CRMP1: variants seen among roughly 807,000 people sequenced by gnomAD.
CRMP1 encodes dihydropyrimidinase-related protein 1.
CRMP1 carries 19 observed loss-of-function variants against 68.3 expected under a neutral mutation model. The ratio of observed to expected loss-of-function variants is 0.28; its 90% CI spans 0.19 to 0.41. The LOEUF is 0.41. CRMP1 is among the 10% of genes least tolerant of loss of function. The pLI is 1.00. For synonymous variants in CRMP1, 439 were observed against 399.6 expected, an observed-to-expected ratio of 1.10 and a Z score of -1.18; for missense variants, 791 against 967.4, an observed-to-expected ratio of 0.82 and a Z score of 2.42.
At chr4:5,823,085 C>T (rs73797909) in intron 13 of CRMP1, among the ~76,000 whole-genome samples, 13,114 of 152,198 alleles carry the variant, frequency 0.086, 1,327 homozygotes, top group African/African-American at 0.25. Context: ...TAGTTGTCAC[C>T]TGCAACAGGA....
intron 1 of CRMP1, among the ~76,000 whole-genome samples, chr4:5,880,892 C>T (rs1448696575): frequency 6.6e-6 from 1 of 152,228 alleles, no homozygotes; most frequent in Non-Finnish European, 1.5e-5. Context: ...AGTGTGGCAT[C>T]CCCACTGTGA....
chr4:5,840,284 C>T (rs1289972337), intron 8 of CRMP1, among the ~76,000 whole-genome samples: 1 of 152,226 alleles, frequency 6.6e-6, no homozygotes, highest in Non-Finnish European at 1.5e-5. Flanking sequence ...GCTTCCCGAG[C>T]ACTAACTTCC....
At position 5,893,025 on chromosome 4, in the gene CRMP1, G is replaced by T. The variant is rs1461500116; in HGVS notation, c.-56C>A. The T allele has an allele frequency of 9.3e-7, 1 of 1,077,360 alleles. No homozygotes were observed. Among genetic ancestry groups the T allele is most frequent in the Admixed American group, 5.2e-5 (1 of 19,280 alleles). 66.7% of individuals were successfully genotyped at this position (1,077,360 alleles called of 1,614,324 possible). ...CCCGCCTGCCCGCCCGCGGCCCTGG[G>T]CACCGCCGTGCGCCGCGCTCCGCGC... On this transcript the variant is annotated 5_prime_UTR_variant, in exon 1 of 14. Coordinates refer to ENST00000324989, the MANE Select transcript of CRMP1 (RefSeq NM_001014809.3).
chr4:5,838,008 G>T lies in CRMP1; in HGVS notation c.1311-1102C>A, dbSNP rs1720844670. Among the ~76,000 whole-genome samples, 1 of 152,190 alleles carries T rather than the reference G, an allele frequency of 6.6e-6. No individual in the cohort carries two copies. The highest frequency in any genetic ancestry group is 2.4e-5 in the African/African-American group (1 of 41,442). On this transcript the variant is annotated intron_variant, in intron 9 of 13. Coordinates refer to ENST00000324989, the MANE Select transcript of CRMP1 (RefSeq NM_001014809.3). This position sits in a 1 kb window ranked among gnomAD's most constrained non-coding sequence, Gnocchi z 4.9. ...GGGCACATGGGCGCTGTTAGAGTGA[G>T]TGTCAGGGATTCAACCAAAGCAGGT... is the stretch of plus-strand genomic sequence containing the variant.
rs1168236850 is a variant in CRMP1, at chr4:5,859,258, G to C, written c.655+1768C>G. Among the ~76,000 whole-genome samples the C allele has an allele frequency of 2.0e-5, 3 of 152,286 alleles. No homozygotes were observed. In the East Asian group the frequency reaches 5.8e-4, roughly 29 times the overall value. ...TTCAGAGCCCTGGACTGTTGTCCTC[G>C]TGTGCTTTCATAGGCTCTTGTTCCA... On this transcript the variant is annotated intron_variant, in intron 3 of 13. Transcript: ENST00000324989. The surrounding 1 kb of genome is among the most constrained non-coding windows in gnomAD (Gnocchi z 5.2).
intron 10 of CRMP1, 40 bp downstream of exon 10, chr4:5,836,725 A>C: frequency 1.2e-6 from 2 of 1,613,876 alleles, no homozygotes; most frequent in Non-Finnish European, 1.7e-6. Flanking sequence ...GGGCAGGTAG[A>C]GTGTTTCTAG....
chr4:5,825,836 C>T lies in CRMP1; in HGVS notation c.1804-177G>A, dbSNP rs1719489571. 1.6e-6 allele frequency: 1 copy of T among 630,388 alleles called. No individual in the cohort carries two copies. The highest frequency in any genetic ancestry group is 2.7e-6 in the Non-Finnish European group (1 of 366,682). The allele number at this position is 630,388 out of a possible 1,614,324, so 39.0% of individuals were successfully genotyped here. A position where few individuals can be genotyped will look rare whatever the true frequency, so the allele number is the denominator to read the frequency against. On this transcript the variant is annotated intron_variant, in intron 12 of 13. Coordinates refer to ENST00000324989, the MANE Select transcript of CRMP1 (RefSeq NM_001014809.3). This position sits in a 1 kb window ranked among gnomAD's most constrained non-coding sequence, Gnocchi z 4.4. The stretch of plus-strand genomic sequence containing the variant: ...CACTTCACACACATGCAGCCGCACA[C>T]AGGCATTCATACACACAAGCATGCA...
At chr4:5,851,958 AGG>A (rs764175333) in intron 4 of CRMP1, among the ~76,000 whole-genome samples, 629 of 17,080 alleles carry the variant, frequency 0.037, 5 homozygotes, top group South Asian at 0.2. Flanking sequence ...AGGGAGAAGA[AGG>A]AGGAAGAGGA....
chr4:5,873,812 AGG>A (rs1714626616), intron 1 of CRMP1, among the ~76,000 whole-genome samples: 1 of 152,196 alleles, frequency 6.6e-6, no homozygotes, highest in Non-Finnish European at 1.5e-5. Context: ...CTTTGGCTGA[AGG>A]GTGACCTCAA....
In CRMP1 at chr4:5,859,436, C is replaced by T. The variant is rs1214534496; in HGVS notation, c.655+1590G>A. ...CCAGTACTCCTTCCCCTGCCCTGTG[C>T]AGTCCTCCTGAACCCAGAACTTCCA... is the stretch of plus-strand genomic sequence containing the variant. On this transcript the variant is annotated intron_variant, in intron 3 of 13. Coordinates refer to ENST00000324989, the MANE Select transcript of CRMP1 (RefSeq NM_001014809.3). The surrounding 1 kb of genome is among the most constrained non-coding windows in gnomAD (Gnocchi z 5.2). Among the ~76,000 whole-genome samples, 1 of 152,236 alleles carries T rather than the reference C, an allele frequency of 6.6e-6. No homozygotes were observed. The highest frequency in any genetic ancestry group is 1.5e-5 in the Non-Finnish European group (1 of 68,042).
Position 5,870,886 on chromosome 4 carries a change from T to C in CRMP1, c.382-4130A>G, listed in dbSNP as rs1426233786. ...AAGCTGGCGTGCATGTTTCCCCGGC[T>C]CCAGAACAGGAAACATAAGTCACCA... On this transcript the variant is annotated intron_variant, in intron 1 of 13. Coordinates refer to ENST00000324989, the MANE Select transcript of CRMP1 (RefSeq NM_001014809.3). The surrounding 1 kb of genome is among the most constrained non-coding windows in gnomAD (Gnocchi z 6.0). 6.6e-6 allele frequency among the ~76,000 whole-genome samples: 1 copy of C among 152,028 alleles called. No homozygotes were observed. The highest frequency in any genetic ancestry group is 2.4e-5 in the African/African-American group (1 of 41,368).
intron 1 of CRMP1, among the ~76,000 whole-genome samples, chr4:5,880,345 G>T (rs1475748054): frequency 6.6e-6 from 1 of 152,154 alleles, no homozygotes; most frequent in Non-Finnish European, 1.5e-5. Flanking sequence ...CATTTGCTGA[G>T]ATTTTATTAG....
At chr4:5,849,554 G>A (rs571806720) in intron 5 of CRMP1, 82 bp from the exon 6 acceptor site, 33 of 913,780 alleles carry the variant, frequency 3.6e-5, no homozygotes, top group East Asian at 5.0e-5. Flanking sequence ...AGACCGTTCC[G>A]ATCACACCCA....
Position 5,850,667 on chromosome 4 carries a change from G to T in CRMP1, c.882+741C>A, listed in dbSNP as rs1283248446. On this transcript the variant is annotated intron_variant, in intron 5 of 13. Transcript: ENST00000324989. This position sits in a 1 kb window ranked among gnomAD's most constrained non-coding sequence, Gnocchi z 4.4. Reference sequence around the variant, plus strand: ...AAGGTAGGGCTATCATGAGCCTAAAGCACAGAGAAGTTGGGAAAGCTGCCC... The same window carrying T: ...AAGGTAGGGCTATCATGAGCCTAAATCACAGAGAAGTTGGGAAAGCTGCCC... 6.6e-6 allele frequency among the ~76,000 whole-genome samples: 1 copy of T among 152,146 alleles called. No individual in the cohort carries two copies. The highest frequency in any genetic ancestry group is 1.5e-5 in the Non-Finnish European group (1 of 68,038).
rs1712897148 is a variant in CRMP1 at position 5,854,445 on chromosome 4, A to G, written c.820+1698T>C. 8.2e-6 allele frequency among the ~76,000 whole-genome samples: 1 copy of G among 121,778 alleles called. No homozygotes were observed. The highest frequency in any genetic ancestry group is 1.6e-5 in the Non-Finnish European group (1 of 61,268). The allele number at this position is 121,778 out of a possible 152,430, so 79.9% of individuals were successfully genotyped here. Reference sequence around the variant, plus strand: ...TTTTTAATAGAGTCGTGGTCTCACTATGTTGCCCAGGCTGGTCTCAAACTC... The same window carrying G: ...TTTTTAATAGAGTCGTGGTCTCACTGTGTTGCCCAGGCTGGTCTCAAACTC... On this transcript the variant is annotated intron_variant, in intron 4 of 13. Coordinates refer to ENST00000324989, the MANE Select transcript of CRMP1 (RefSeq NM_001014809.3). This position sits in a 1 kb window ranked among gnomAD's most constrained non-coding sequence, Gnocchi z 4.0.
Position 5,869,687 on chromosome 4 carries a change from AAAAAAAAAAAAAAAG to A in CRMP1, c.382-2946_382-2932del, listed in dbSNP as rs1343767983. Among the ~76,000 whole-genome samples, 3 of 142,054 alleles carry A rather than the reference AAAAAAAAAAAAAAAG, an allele frequency of 2.1e-5. No homozygotes were observed. The East Asian group carries it at 5.8e-4, about 28-fold the overall frequency. The allele number at this position is 142,054 out of a possible 152,430, so 93.2% of individuals were successfully genotyped here. A position where few individuals can be genotyped will look rare whatever the true frequency, so the allele number is the denominator to read the frequency against. ...CAACAGAGCAAGACTCCGTCAAAAA[AAAAAAAAAAAAAAAG>A]AAAAAGAAAAGAAGTAAACTGACAA... On this transcript the variant is annotated intron_variant, in intron 1 of 13. Transcript: ENST00000324989.
rs141157419 is a variant in CRMP1 at position 5,861,377 on chromosome 4, T to C, written c.471-167A>G. Among the ~76,000 whole-genome samples, 70 of 152,320 alleles carry C rather than the reference T, an allele frequency of 4.6e-4. No individual in the cohort carries two copies. Among genetic ancestry groups the C allele is most frequent in the African/African-American group, 1.5e-3 (64 of 41,564 alleles). On this transcript the variant is annotated intron_variant, in intron 2 of 13. Transcript: ENST00000324989. The surrounding 1 kb of genome is among the most constrained non-coding windows in gnomAD (Gnocchi z 6.0). ...AGGGCACATGCCCTCAAGGGGCTCA[T>C]AGTCTAATAGGACGTAAGACAGGTG... is the stretch of plus-strand genomic sequence containing the variant.
At chr4:5,852,181 A>G (rs1267017748) in intron 4 of CRMP1, among the ~76,000 whole-genome samples, 3 of 152,230 alleles carry the variant, frequency 2.0e-5, no homozygotes, top group Non-Finnish European at 1.5e-5. Context: ...TTGTGTTTGC[A>G]ATTCCCATAA....
Position 5,850,177 on chromosome 4 carries a change from A to G in CRMP1, c.883-705T>C, listed in dbSNP as rs1712515713. ...TGAACCTCAACTTTGTTCTCCATGCATGCAAGACAACATCCCCTCGGATGT... is the reference window on the plus strand; with the variant it reads ...TGAACCTCAACTTTGTTCTCCATGCGTGCAAGACAACATCCCCTCGGATGT... On this transcript the variant is annotated intron_variant, in intron 5 of 13. Transcript: ENST00000324989. This position sits in a 1 kb window ranked among gnomAD's most constrained non-coding sequence, Gnocchi z 4.4. Among the ~76,000 whole-genome samples, 2 of 152,226 alleles carry G rather than the reference A, an allele frequency of 1.3e-5. No homozygotes were observed. Among genetic ancestry groups the G allele is most frequent in the African/African-American group, 4.8e-5 (2 of 41,460 alleles).
Sources: gnomAD v4.1 joint callset for allele counts (sites outside exome capture counted in the v4.1 genomes callset) on GRCh38, gnomAD v4.1.1 for gene constraint, Gnocchi (gnomAD v3.1) non-coding constraint, MANE v1.5 for transcripts, NCBI Gene and HGNC (gene_info 2026-07-23, HGNC 2026-07-21) for gene names.